HIPK1: variants seen among roughly 807,000 people sequenced by gnomAD.
HIPK1 encodes homeodomain interacting protein kinase 1.
Under a neutral mutation model 117.1 loss-of-function variants are expected in HIPK1, and 28 were observed. The ratio of observed to expected loss-of-function variants is 0.24; its 90% CI spans 0.18 to 0.33. The LOEUF (loss-of-function observed/expected upper bound fraction) is 0.33, where lower values mean the gene tolerates loss of function less well. Ranked by LOEUF, HIPK1 falls within the 10% of genes least tolerant of loss-of-function variation. HIPK1 has a pLI of 1.00. For missense variants in HIPK1, 1,122 were observed against 1,475.1 expected (o/e 0.76, Z 3.92); for synonymous variants, 605 against 562.5 (o/e 1.08, Z -1.07).
At chr1:113,950,366 C>G (rs1030490917) in intron 2 of HIPK1, among the ~76,000 whole-genome samples, 2 of 152,178 alleles carry the variant, frequency 1.3e-5, no homozygotes, top group East Asian at 3.8e-4. Context: ...CATGAGGAAT[C>G]TGAATCTGGA....
At chr1:113,966,950 T>C (rs960988767) in intron 11 of HIPK1, among the ~76,000 whole-genome samples, 1 of 152,124 alleles carries the variant, frequency 6.6e-6, no homozygotes, top group African/African-American at 2.4e-5. Context: ...TTAAATTGTT[T>C]TGATTTTTAG....
intron 5 of HIPK1, 63 bp from the exon 6 acceptor site, chr1:113,956,564 A>G: frequency 1.7e-6 from 2 of 1,150,980 alleles, no homozygotes; most frequent in Non-Finnish European, 1.3e-6. Flanking sequence ...GAGGGAAAGC[A>G]GCTATGTAGT....
intron 8 of HIPK1, among the ~76,000 whole-genome samples, chr1:113,959,403 T>C (rs1298188733): frequency 2.0e-5 from 3 of 152,150 alleles, no homozygotes; most frequent in African/African-American, 7.2e-5. Flanking sequence ...TAAATGCACG[T>C]TTAGCCTAAC....
chr1:113,955,697 G>C, intron 5 of HIPK1, 48 bp downstream of exon 5: 1 of 1,006,194 alleles, frequency 9.9e-7, no homozygotes, highest in South Asian at 1.4e-5. Flanking sequence ...TTTAATCAGA[G>C]ACACTTCTGT....
At chr1:113,939,335 T>TG (rs1571655770) in intron 1 of HIPK1, among the ~76,000 whole-genome samples, 1 of 134,438 alleles carries the variant, frequency 7.4e-6, no homozygotes, top group Non-Finnish European at 1.7e-5. Flanking sequence ...CTGTTTTTTT[T>TG]TTTTTTTGTT....
intron 10 of HIPK1, among the ~76,000 whole-genome samples, chr1:113,965,286 A>AT (rs34412792): frequency 0.026 from 3,907 of 149,366 alleles, 107 homozygotes; most frequent in Admixed American, 0.087. Context: ...ATCCGTTCCC[A>AT]TTTTTTTTTT....
chr1:113,956,789 T>A lies in HIPK1; in HGVS notation c.1570T>A (p.Leu524Met). The change falls in exon 6 of 16, where the codon TTG becomes ATG. Residue 524 changes from leucine (L) to methionine (M), a missense_variant. Around this residue, in one of 6 missense-constraint regions of HIPK1, gnomAD observed 731 missense variants for 860.4 expected, o/e 0.85. Transcript: ENST00000426820. The part of the protein sequence containing the change: ...NHQFVTMTHL[L>M]DFPHSNHVKS... The stretch of plus-strand genomic sequence containing the variant: ...TCAGTTTGTGACAATGACTCACCTT[T>A]TGGATTTTCCACATAGCAATCAGTG... 6.2e-7 allele frequency: 1 copy of A among 1,614,088 alleles called. No homozygotes were observed. Among genetic ancestry groups the A allele is most frequent in the Non-Finnish European group, 8.5e-7 (1 of 1,179,966 alleles).
intron 3 of HIPK1, among the ~76,000 whole-genome samples, chr1:113,953,398 A>G (rs1201891679): frequency 1.3e-5 from 2 of 152,244 alleles, no homozygotes; most frequent in Non-Finnish European, 2.9e-5. Context: ...TATGATCTGT[A>G]TCTAAAAATA....
At chr1:113,970,658 C>T (rs915062428) in intron 14 of HIPK1, among the ~76,000 whole-genome samples, 5 of 152,126 alleles carry the variant, frequency 3.3e-5, no homozygotes, top group Non-Finnish European at 7.4e-5. Context: ...GTTTTATTAC[C>T]AACCCAATTA....
In HIPK1 at chr1:113,970,041, T is replaced by C. The variant is rs755102385; in HGVS notation, c.2857T>C (p.Tyr953His). Residue 953 changes from tyrosine (Y) to histidine (H), a missense_variant, in exon 14 of 16, where the codon TAT (tyrosine) becomes CAT (histidine). Transcript: ENST00000426820. ...PDSDSSLSSP[Y>H]STDTLSALRG... is the part of the protein sequence containing the mutation. The stretch of plus-strand genomic sequence containing the variant: ...CTCTGACTCTTCTTTGAGCAGCCCT[T>C]ATTCCACTGATACCCTGAGTGCTCT... 3 of 1,614,204 alleles carry C rather than the reference T, an allele frequency of 1.9e-6. No individual in the cohort carries two copies. In the South Asian group the frequency reaches 3.3e-5, roughly 18 times the overall value.
intron 1 of HIPK1, 104 bp downstream of exon 1, chr1:113,929,636 G>A: frequency 3.4e-5 from 36 of 1,059,086 alleles, no homozygotes; most frequent in Non-Finnish European, 4.4e-5. Flanking sequence ...TGGCGACAAC[G>A]GCGGCTGCGG....
intron 1 of HIPK1, among the ~76,000 whole-genome samples, chr1:113,931,167 GGT>G (rs1491367744): frequency 1.5e-5 from 2 of 137,614 alleles, no homozygotes; most frequent in African/African-American, 5.7e-5. Context: ...CTGGTCTGTG[GGT>G]TTTTTTTTTT....
In HIPK1 at chr1:113,973,068, CAACCCAG is replaced by C; in HGVS notation, c.3190_3196del (p.Asn1064ProfsTer134). The C allele has an allele frequency of 6.6e-7, 1 of 1,524,264 alleles. No individual in the cohort carries two copies. Among genetic ancestry groups the C allele is most frequent in the Non-Finnish European group, 8.8e-7 (1 of 1,137,258 alleles). The allele number at this position is 1,524,264 out of a possible 1,614,324, so 94.4% of individuals were successfully genotyped here. ...CTCCAACCTCACAGGAGAGAAGCAG[CAACCCAG>C]CCCCCCGCAGGCAGCAGGCGTTTGT... On this transcript the variant is annotated frameshift_variant, in exon 16 of 16. Transcript: ENST00000426820. LOFTEE classifies it high-confidence loss of function.
intron 3 of HIPK1, chr1:113,953,958 G>A (rs548520792): frequency 6.6e-6 from 1 of 151,112 alleles, no homozygotes; most frequent in African/African-American, 2.4e-5. Flanking sequence ...TTTTTGTTGT[G>A]GTTTTTAAGT....
intron 12 of HIPK1, among the ~76,000 whole-genome samples, chr1:113,968,200 A>G (rs1487091240): frequency 2.6e-5 from 4 of 152,212 alleles, no homozygotes; most frequent in Non-Finnish European, 5.9e-5. Context: ...ACAGAGTGAA[A>G]TTTAATCCTG....
chr1:113,955,588 C>G lies in HIPK1; in HGVS notation c.1346C>G (p.Thr449Ser). The G allele has an allele frequency of 6.3e-7, 1 of 1,598,882 alleles. No homozygotes were observed. Among genetic ancestry groups the G allele is most frequent in the African/African-American group, 1.3e-5 (1 of 74,682 alleles). The change falls in exon 5 of 16, where the codon ACT (threonine) becomes AGT (serine). Residue 449 changes from threonine (T) to serine (S), a missense_variant. Around this residue, in one of 6 missense-constraint regions of HIPK1, gnomAD observed 127 missense variants for 197.9 expected, o/e 0.64. Transcript: ENST00000426820. Reference protein sequence around the residue: ...LKTPEEHELETGIKSKEARKY... With the variant: ...LKTPEEHELESGIKSKEARKY... ...ACACCTGAAGAACATGAACTGGAGA[C>G]TGGAATAAAATCAAAAGAAGCTCGG...
In HIPK1 at chr1:113,967,907, C is replaced by T; in HGVS notation, c.2523C>T (p.Leu841=). Residue 841 remains leucine (L), a synonymous_variant, in exon 12 of 16, where the codon CTC becomes CTT. Transcript: ENST00000426820. ...HVVRQQQSSS[L]PSKKNKQSAP... The stretch of plus-strand genomic sequence containing the variant: ...TCAGACAACAACAATCCAGTTCCCT[C>T]CCTTCGAAGAAGAATAAGCAGTCAG... The T allele has an allele frequency of 6.2e-7, 1 of 1,610,068 alleles. No individual in the cohort carries two copies. The highest frequency in any genetic ancestry group is 1.1e-5 in the South Asian group (1 of 90,256).
intron 12 of HIPK1, 110 bp from the exon 13 acceptor site, chr1:113,968,332 G>A (rs1672590449): frequency 2.5e-6 from 2 of 803,800 alleles, no homozygotes; most frequent in South Asian, 3.0e-5. Context: ...TTTGCTTAAT[G>A]ATTATGTAAA....
In HIPK1 at chr1:113,974,197, A is replaced by T. The variant is rs922554376; in HGVS notation, c.*685A>T. 6.6e-6 allele frequency: 1 copy of T among 152,390 alleles called. No homozygotes were observed. The highest frequency in any genetic ancestry group is 2.4e-5 in the African/African-American group (1 of 41,462). The allele number at this position is 152,390 out of a possible 1,614,324, so 9.4% of individuals were successfully genotyped here. A position where few individuals can be genotyped will look rare whatever the true frequency, so the allele number is the denominator to read the frequency against. ...TCTCAATTGCTCCTGTGTTTGTTAT[A>T]AAGTAGTGTTTAAAAGGCAGCTCAC... On this transcript the variant is annotated 3_prime_UTR_variant, in exon 16 of 16. Coordinates refer to ENST00000426820, the MANE Select transcript of HIPK1 (RefSeq NM_198268.3).
Sources: allele counts gnomAD v4.1 joint callset (sites outside exome capture counted in the v4.1 genomes callset), GRCh38; gene constraint gnomAD v4.1.1; regional missense constraint gnomAD v4.1.1; transcripts MANE v1.5; gene names NCBI Gene and HGNC (gene_info 2026-07-23, HGNC 2026-07-21).